The following AMMECR1 variants were observed in gnomAD, a reference collection of about 807,000 sequenced individuals.
AMMECR1 encodes the protein nuclear protein AMMECR1.
AMMECR1 carries 3 observed loss-of-function variants against 22.5 expected under a neutral mutation model. That is an observed-to-expected ratio of 0.13 (90% CI 0.06 to 0.35). The LOEUF (loss-of-function observed/expected upper bound fraction) is 0.35, where lower values mean the gene tolerates loss of function less well. AMMECR1 is among the 10% of genes least tolerant of loss of function. The probability of loss-of-function intolerance (pLI) is 1.00; values close to 1 mark genes in which losing one functional copy is unlikely to be tolerated. For missense variants in AMMECR1, 235 were observed against 278.7 expected (o/e 0.84, Z 1.12); for synonymous variants, 130 against 116.7 (o/e 1.11, Z -0.74).
At chrX:110,227,168 T>C (rs916155918) in intron 2 of AMMECR1, among the ~76,000 whole-genome samples, 4 of 112,192 alleles carry the variant, frequency 3.6e-5, no homozygotes, top group African/African-American at 1.3e-4. Flanking sequence ...ACACGAGTCA[T>C]GCAATTCTTT....
chrX:110,420,108 C>T (rs1256388643), intron 2 of AMMECR1, among the ~76,000 whole-genome samples: 2 of 111,646 alleles, frequency 1.8e-5, no homozygotes, highest in African/African-American at 6.5e-5. Context: ...ATGCCACCTG[C>T]AGCCCCCACC....
At chrX:110,261,451 T>C (rs1174614056) in intron 2 of AMMECR1, among the ~76,000 whole-genome samples, 1 of 111,317 alleles carries the variant, frequency 9.0e-6, no homozygotes, top group African/African-American at 3.3e-5. Flanking sequence ...TTGTGAGTTA[T>C]GGGTTTTTAA....
intron 2 of AMMECR1, among the ~76,000 whole-genome samples, chrX:110,415,883 T>C (rs773861828): frequency 1.8e-5 from 2 of 111,047 alleles, no homozygotes; most frequent in Non-Finnish European, 3.8e-5. Context: ...CAAAAATGTT[T>C]GCCTTTTCTG....
At chrX:110,317,542 A>C in intron 1 of AMMECR1, 57 bp downstream of exon 1, 1 of 1,098,293 alleles carries the variant, frequency 9.1e-7, no homozygotes, top group Non-Finnish European at 1.2e-6. Context: ...ACTTTGCCTC[A>C]ACTCTGAGCC....
At chrX:110,411,788 T>A (rs1214978640) in intron 2 of AMMECR1, among the ~76,000 whole-genome samples, 2 of 112,597 alleles carry the variant, frequency 1.8e-5, no homozygotes, top group African/African-American at 6.5e-5. Flanking sequence ...TGATTTACAA[T>A]GACATGATTT....
chrX:110,275,035 C>CAA (rs2067818874), intron 1 of AMMECR1, among the ~76,000 whole-genome samples: 2 of 111,646 alleles, frequency 1.8e-5, no homozygotes, highest in South Asian at 7.4e-4. Flanking sequence ...CCTTTAACTT[C>CAA]TATATACCAT....
intron 2 of AMMECR1, among the ~76,000 whole-genome samples, chrX:110,364,463 G>A (rs374732845): frequency 1.8e-5 from 2 of 111,590 alleles, no homozygotes; most frequent in East Asian, 5.6e-4. Flanking sequence ...ACTAACTAAA[G>A]CAGGCTGCTC....
intron 3 of AMMECR1, among the ~76,000 whole-genome samples, chrX:110,204,220 C>T (rs1039486446): frequency 3.6e-5 from 4 of 111,236 alleles, no homozygotes; most frequent in African/African-American, 6.5e-5. Context: ...TCAGATTCCT[C>T]ATAATTTGTT....
chrX:110,302,886 T>C (rs778488117), intron 1 of AMMECR1, among the ~76,000 whole-genome samples: 13 of 106,711 alleles, frequency 1.2e-4, no homozygotes, highest in African/African-American at 4.5e-4. Flanking sequence ...AAAAAATAAA[T>C]AAACAAATCA....
At chrX:110,345,501 AAT>A (rs754942099) in intron 2 of AMMECR1, among the ~76,000 whole-genome samples, 17 of 107,226 alleles carry the variant, frequency 1.6e-4, no homozygotes, top group Admixed American at 4.0e-4. Flanking sequence ...TAATAAAAAA[AAT>A]ATATATATAT....
chrX:110,414,067 C>T (rs1422935609), intron 2 of AMMECR1, among the ~76,000 whole-genome samples: 1 of 111,583 alleles, frequency 9.0e-6, no homozygotes, highest in Non-Finnish European at 1.9e-5. Context: ...TGCGTATATC[C>T]CCAATTCCCT....
At chrX:110,208,992 A>C (rs1396799602) in intron 3 of AMMECR1, among the ~76,000 whole-genome samples, 1 of 111,253 alleles carries the variant, frequency 9.0e-6, no homozygotes, top group Non-Finnish European at 1.9e-5. Context: ...CCATTTCTTA[A>C]AAAAGGGAAT....
intron 2 of AMMECR1, among the ~76,000 whole-genome samples, chrX:110,254,659 A>T (rs1225389599): frequency 8.9e-6 from 1 of 112,088 alleles, no homozygotes; most frequent in African/African-American, 3.2e-5. Flanking sequence ...AAGAAAAAAG[A>T]AAAGAACTGT....
chrX:110,235,080 A>G (rs775681983), intron 2 of AMMECR1, among the ~76,000 whole-genome samples: 1 of 112,377 alleles, frequency 8.9e-6, no homozygotes, highest in South Asian at 3.8e-4. Context: ...CAATCTACTC[A>G]TCTGACAAAG....
At chrX:110,325,488 G>C (rs1351787212) in intron 2 of AMMECR1, among the ~76,000 whole-genome samples, 2 of 111,831 alleles carry the variant, frequency 1.8e-5, no homozygotes, top group Non-Finnish European at 1.9e-5. Context: ...TTACAGGTGT[G>C]TTAAATTTTT....
intron 1 of AMMECR1, among the ~76,000 whole-genome samples, chrX:110,268,982 C>T (rs944557554): frequency 1.8e-5 from 2 of 111,785 alleles, no homozygotes; most frequent in African/African-American, 6.5e-5. Context: ...TGAAGGCAAC[C>T]AGACAAAGCT....
At chrX:110,325,231 A>G (rs184883893) in intron 2 of AMMECR1, among the ~76,000 whole-genome samples, 130 of 112,119 alleles carry the variant, frequency 1.2e-3, no homozygotes, top group African/African-American at 4.1e-3. Context: ...CTAGCTTACG[A>G]TGTACAATAA....
At chrX:110,430,780 G>T (rs184142396) in intron 1 of AMMECR1, among the ~76,000 whole-genome samples, 8 of 112,518 alleles carry the variant, frequency 7.1e-5, no homozygotes, top group African/African-American at 2.3e-4. Flanking sequence ...ACATAGATTT[G>T]CTGAGTGAAT....
At position 110,373,785 on chromosome X, in the gene AMMECR1, T is replaced by C. The variant is rs780505963; in HGVS notation, c.-148+52873A>G. On this transcript the variant is annotated intron_variant, in intron 2 of 7. Coordinates refer to the AMMECR1 transcript ENST00000372057. ...AAAGCAAGAGCACAACTTTCCTCGG[T>C]GTGTGTACACCAAATAAATAGGCCA... Among the ~76,000 whole-genome samples the C allele has an allele frequency of 2.5e-3, 279 of 112,010 alleles. 1 individual carries two copies. The highest frequency in any genetic ancestry group is 4.1e-3 in the Non-Finnish European group (218 of 53,122).
Sources: gnomAD v4.1 joint callset for allele counts (sites outside exome capture counted in the v4.1 genomes callset) on GRCh38, gnomAD v4.1.1 for gene constraint, MANE v1.5 for transcripts, NCBI Gene and HGNC (gene_info 2026-07-23, HGNC 2026-07-21) for gene names.